RAD54L2: variants seen among roughly 807,000 people sequenced by gnomAD.
RAD54L2 encodes RAD54 like 2, also known as helicase ARIP4.
In RAD54L2, 27 loss-of-function variants were observed where a neutral mutation model predicts 138.4. The observed-to-expected ratio is 0.20, with a 90% CI of 0.14 to 0.27. The LOEUF (loss-of-function observed/expected upper bound fraction) is 0.27, where lower values mean the gene tolerates loss of function less well. RAD54L2 is among the 10% of genes least tolerant of loss of function. The pLI is 1.00. For missense variants in RAD54L2, 1,396 were observed against 1,890.2 expected (o/e 0.74, Z 4.85); for synonymous variants, 644 against 723.2 (o/e 0.89, Z 1.76).
chr3:51,539,619 T>A (rs1698501832), intron 1 of RAD54L2, among the ~76,000 whole-genome samples: 2 of 151,400 alleles, frequency 1.3e-5, no homozygotes, highest in Admixed American at 6.6e-5. Context: ...CGGTGGGAGT[T>A]GTGGTTTGGG....
intron 3 of RAD54L2, among the ~76,000 whole-genome samples, chr3:51,597,165 C>CAAAAA (rs145812228): frequency 6.1e-5 from 3 of 49,252 alleles, no homozygotes; most frequent in Admixed American, 2.4e-4. Context: ...GACTTCATTT[C>CAAAAA]AAAAAAAAAA....
rs2106802694 is a variant in RAD54L2 at position 51,633,571 on chromosome 3, T to C, written c.826-6T>C. 1 of 1,611,116 alleles carries C rather than the reference T, an allele frequency of 6.2e-7. No homozygotes were observed. The highest frequency in any genetic ancestry group is 8.5e-7 in the Non-Finnish European group (1 of 1,177,518). ...CCCTCTGACATTTGTCTTTGTCCCT[T>C]GTCAGATTGGCGGGATCCGGTTCCT... On this transcript the variant is annotated splice_polypyrimidine_tract_variant and splice_region_variant and intron_variant, in intron 7 of 22. Transcript: ENST00000684192.
chr3:51,616,280 C>T (rs923101843), intron 3 of RAD54L2, among the ~76,000 whole-genome samples: 1 of 152,068 alleles, frequency 6.6e-6, no homozygotes, highest in African/African-American at 2.4e-5. Flanking sequence ...TCCTCTCTTC[C>T]CTACCCTTCC....
intron 5 of RAD54L2, among the ~76,000 whole-genome samples, chr3:51,629,753 C>T (rs193167536): frequency 6.6e-6 from 1 of 152,094 alleles, no homozygotes; most frequent in Non-Finnish European, 1.5e-5. Context: ...ATCCCAGCTA[C>T]TAGGAGGCTG....
In RAD54L2 at chr3:51,663,594, CAAAAAA is replaced by C. The variant is rs34235841; in HGVS notation, c.*193_*198del. On this transcript the variant is annotated 3_prime_UTR_variant, in exon 23 of 23. Transcript: ENST00000684192. Reference sequence around the variant, plus strand: ...CTCTGTTGCTGTTTAACAAAAGAGGCAAAAAAAAAAAAAAAAAAAAAAAAGTCCAAC... The same window carrying C: ...CTCTGTTGCTGTTTAACAAAAGAGGCAAAAAAAAAAAAAAAAAAGTCCAAC... The C allele has an allele frequency of 3.2e-3, 177 of 54,706 alleles. No individual in the cohort carries two copies. The highest frequency in any genetic ancestry group is 8.5e-3 in the Middle Eastern group (1 of 118). The allele number at this position is 54,706 out of a possible 1,614,324, so 3.4% of individuals were successfully genotyped here.
chr3:51,562,971 C>G (rs1699131228), intron 2 of RAD54L2, among the ~76,000 whole-genome samples: 1 of 152,172 alleles, frequency 6.6e-6, no homozygotes, highest in Non-Finnish European at 1.5e-5. Flanking sequence ...CATTCCCAGG[C>G]AATACCTCTG....
chr3:51,620,258 AT>A (rs34861378), intron 3 of RAD54L2, among the ~76,000 whole-genome samples: 2,751 of 123,466 alleles, frequency 0.022, 57 homozygotes, highest in African/African-American at 0.074. Context: ...TGCTCAGCTA[AT>A]TTTTTTTTTT....
chr3:51,587,720 C>CT, intron 2 of RAD54L2, among the ~76,000 whole-genome samples: 1 of 152,096 alleles, frequency 6.6e-6, no homozygotes. Flanking sequence ...GTTTGCTTTT[C>CT]TTTTTTTCTT....
intron 2 of RAD54L2, among the ~76,000 whole-genome samples, chr3:51,562,719 G>T (rs1192067209): frequency 2.6e-5 from 4 of 152,040 alleles, no homozygotes; most frequent in African/African-American, 9.7e-5. Flanking sequence ...TCCCTATGTT[G>T]CCTAGGCTGG....
chr3:51,597,398 C>G (rs1288748276), intron 3 of RAD54L2, among the ~76,000 whole-genome samples: 1 of 151,972 alleles, frequency 6.6e-6, no homozygotes, highest in Non-Finnish European at 1.5e-5. Flanking sequence ...GTTAGAATGT[C>G]AGTTTTACTG....
chr3:51,648,354 C>T (rs1701338892), intron 19 of RAD54L2, among the ~76,000 whole-genome samples: 1 of 152,226 alleles, frequency 6.6e-6, no homozygotes. Context: ...CTGTAGATTC[C>T]ACCTCTGGGG....
At position 51,664,956 on chromosome 3, in the gene RAD54L2, C is replaced by G. The variant is rs753014815; in HGVS notation, c.*1536C>G. On this transcript the variant is annotated 3_prime_UTR_variant, in exon 23 of 23. Transcript: ENST00000684192. ...CTGTTGATTTCATGTTCGAAAATAT[C>G]TTCAGGTGGTCCATGTAGGCCTGGT... 2 of 152,126 alleles carry G rather than the reference C, an allele frequency of 1.3e-5. No individual in the cohort carries two copies. Among genetic ancestry groups the G allele is most frequent in the Non-Finnish European group, 2.9e-5 (2 of 68,060 alleles). The allele number at this position is 152,126 out of a possible 1,614,324, so 9.4% of individuals were successfully genotyped here.
chr3:51,588,272 T>C (rs1408150251), intron 2 of RAD54L2, among the ~76,000 whole-genome samples: 2 of 141,636 alleles, frequency 1.4e-5, no homozygotes, highest in East Asian at 3.9e-4. Flanking sequence ...CAGTGGCTGA[T>C]GCCTGTAATC....
chr3:51,632,809 T>C (rs1418509180), intron 7 of RAD54L2, among the ~76,000 whole-genome samples: 1 of 151,050 alleles, frequency 6.6e-6, no homozygotes, highest in East Asian at 2.0e-4. Flanking sequence ...GGAGAATCAC[T>C]TGAACCGGGG....
chr3:51,552,283 G>A (rs1698857046), intron 2 of RAD54L2, among the ~76,000 whole-genome samples: 2 of 150,834 alleles, frequency 1.3e-5, no homozygotes. Flanking sequence ...TTTTTTTTGA[G>A]ACAGAGTCTT....
In RAD54L2 at chr3:51,626,436, C is replaced by CTTTATTTTTTTTTT. The variant is rs1700687005; in HGVS notation, c.140-1114_140-1113insATTTTTTTTTTTTT. ...TGACATCCCCTGGACCCCCAACGAT[C>CTTTATTTTTTTTTT]TTTTTTTTTTTTTTTTTTTTTTTTT... On this transcript the variant is annotated intron_variant, in intron 3 of 22. Transcript: ENST00000684192. Among the ~76,000 whole-genome samples the CTTTATTTTTTTTTT allele has an allele frequency of 7.6e-5, 3 of 39,392 alleles. No individual in the cohort carries two copies. In the East Asian group the frequency reaches 3.6e-3, roughly 47 times the overall value. The allele number at this position is 39,392 out of a possible 152,430, so 25.8% of individuals were successfully genotyped here.
chr3:51,616,435 T>C (rs907354787), intron 3 of RAD54L2, among the ~76,000 whole-genome samples: 1 of 152,214 alleles, frequency 6.6e-6, no homozygotes, highest in South Asian at 2.1e-4. Context: ...TTTTAAAAAG[T>C]CAGCATTAAT....
At chr3:51,541,396 C>A (rs1297563175) in intron 1 of RAD54L2, 193 bp from the exon 2 acceptor site, 7 of 152,152 alleles carry the variant, frequency 4.6e-5, no homozygotes, top group Non-Finnish European at 1.5e-5. Flanking sequence ...ATTTTATACA[C>A]CTGTTAATTT....
intron 2 of RAD54L2, among the ~76,000 whole-genome samples, chr3:51,576,399 T>C (rs1699482428): frequency 6.6e-6 from 1 of 152,206 alleles, no homozygotes; most frequent in South Asian, 2.1e-4. Flanking sequence ...TTTCTGTTGA[T>C]TGGAATAGTT....
Sources: allele counts gnomAD v4.1 joint callset (sites outside exome capture counted in the v4.1 genomes callset), GRCh38; gene constraint gnomAD v4.1.1; transcripts MANE v1.5; gene names NCBI Gene and HGNC (gene_info 2026-07-23, HGNC 2026-07-21).